GRIP1: variants seen among roughly 807,000 people sequenced by gnomAD.
GRIP1 encodes glutamate receptor interacting protein 1.
GRIP1 carries 45 observed loss-of-function variants against 129.9 expected under a neutral mutation model. The observed-to-expected ratio is 0.35, with a 90% CI of 0.27 to 0.44. The LOEUF (loss-of-function observed/expected upper bound fraction) is 0.44, where lower values mean the gene tolerates loss of function less well. Ranked by LOEUF, GRIP1 falls within the 20% of genes least tolerant of loss-of-function variation. The pLI, the probability that GRIP1 is intolerant of heterozygous loss-of-function variation, is 1.00. For synonymous variants in GRIP1, 530 were observed against 520.8 expected, an observed-to-expected ratio of 1.02 and a Z score of -0.24; for missense variants, 1,196 against 1,396.8, an observed-to-expected ratio of 0.86 and a Z score of 2.29.
intron 1 of GRIP1, among the ~76,000 whole-genome samples, chr12:66,835,351 T>C (rs2039594524): frequency 6.6e-6 from 1 of 152,220 alleles, no homozygotes; most frequent in African/African-American, 2.4e-5. Flanking sequence ...GTTGAAAACT[T>C]ATGTTCACAT....
chr12:66,955,914 G>T (rs552459156), intron 1 of GRIP1, among the ~76,000 whole-genome samples: 245 of 152,288 alleles, frequency 1.6e-3, no homozygotes, highest in African/African-American at 5.2e-3. Flanking sequence ...GCACACAGAA[G>T]AGCTTTCGAG....
intron 2 of GRIP1, among the ~76,000 whole-genome samples, chr12:66,546,493 A>T (rs1208900500): frequency 6.6e-6 from 1 of 152,124 alleles, no homozygotes; most frequent in Non-Finnish European, 1.5e-5. Flanking sequence ...CTGTATCAAA[A>T]ATCATAAGTA....
At chr12:66,860,654 C>G (rs1054279079) in intron 1 of GRIP1, among the ~76,000 whole-genome samples, 1 of 152,008 alleles carries the variant, frequency 6.6e-6, no homozygotes, top group Non-Finnish European at 1.5e-5. Context: ...GCAGATTAGG[C>G]TCTCAACACC....
intron 2 of GRIP1, among the ~76,000 whole-genome samples, chr12:66,544,587 G>C (rs1592522815): frequency 6.6e-6 from 1 of 152,196 alleles, no homozygotes; most frequent in Non-Finnish European, 1.5e-5. Context: ...GAGCAGAGCA[G>C]ACCAAAGAAG....
At chr12:66,927,936 A>G (rs1431021928) in intron 1 of GRIP1, among the ~76,000 whole-genome samples, 1 of 152,196 alleles carries the variant, frequency 6.6e-6, no homozygotes, top group Non-Finnish European at 1.5e-5. Flanking sequence ...CTCTGATTGG[A>G]GAAGATGTTC....
chr12:66,548,367 T>C (rs1208920751), intron 2 of GRIP1, among the ~76,000 whole-genome samples: 3 of 152,200 alleles, frequency 2.0e-5, no homozygotes, highest in Non-Finnish European at 4.4e-5. Flanking sequence ...TTCATTCAGC[T>C]GGTGGAAGGG....
intron 1 of GRIP1, among the ~76,000 whole-genome samples, chr12:66,848,830 C>G (rs1031203000): frequency 6.6e-6 from 1 of 152,088 alleles, no homozygotes; most frequent in Non-Finnish European, 1.5e-5. Context: ...AGTTCCTTCA[C>G]CAACCTCTGT....
intron 1 of GRIP1, among the ~76,000 whole-genome samples, chr12:66,783,814 AG>A (rs2038233800): frequency 6.6e-6 from 1 of 152,180 alleles, no homozygotes; most frequent in Non-Finnish European, 1.5e-5. Flanking sequence ...GAAAAAATTC[AG>A]ATAAGAAATT....
chr12:66,719,839 G>A (rs2036005364), intron 1 of GRIP1, among the ~76,000 whole-genome samples: 1 of 152,206 alleles, frequency 6.6e-6, no homozygotes, highest in Non-Finnish European at 1.5e-5. Flanking sequence ...AAAGGTTAAA[G>A]AGTGGAGGAA....
At chr12:66,805,984 T>C (rs991391023), upstream of GRIP1, among the ~76,000 whole-genome samples, 4 of 151,288 alleles carry the variant, frequency 2.6e-5, no homozygotes, top group African/African-American at 9.7e-5. Flanking sequence ...TTTTCTTTTT[T>C]TTTTTTTTGG....
chr12:67,004,397 A>G (rs1197988675), intron 1 of GRIP1, among the ~76,000 whole-genome samples: 1 of 152,192 alleles, frequency 6.6e-6, no homozygotes, highest in Non-Finnish European at 1.5e-5. Flanking sequence ...TGAGATTCTA[A>G]GTCTGGAAAA....
intron 2 of GRIP1, among the ~76,000 whole-genome samples, chr12:66,581,253 C>T (rs1266319701): frequency 3.3e-5 from 5 of 151,950 alleles, no homozygotes; most frequent in Admixed American, 6.6e-5. Flanking sequence ...ACATTCAAAG[C>T]AGCGTGTAGA....
In GRIP1 at chr12:66,665,015, T is replaced by C. The variant is rs927161951; in HGVS notation, c.55+13835A>G. Among the ~76,000 whole-genome samples, 8 of 152,290 alleles carry C rather than the reference T, an allele frequency of 5.3e-5. No homozygotes were observed. In the East Asian group the frequency reaches 1.5e-3, roughly 29 times the overall value. On this transcript the variant is annotated intron_variant, in intron 1 of 24. Transcript: ENST00000359742. ...CAATTTCTTGGCTTACTAGGTTTTC[T>C]TTTCCTTTTTTCTTTTTAGACAGGG... is the stretch of plus-strand genomic sequence containing the variant.
intron 16 of GRIP1, among the ~76,000 whole-genome samples, chr12:66,399,566 A>C (rs1316174644): frequency 1.3e-5 from 2 of 152,028 alleles, no homozygotes; most frequent in African/African-American, 4.8e-5. Context: ...AGTGAAAGAC[A>C]GGAAAGGGGG....
intron 1 of GRIP1, among the ~76,000 whole-genome samples, chr12:66,644,069 G>C (rs576801267): frequency 6.6e-6 from 1 of 152,214 alleles, no homozygotes; most frequent in South Asian, 2.1e-4. Context: ...GAGAAAATGA[G>C]GAAGATGTAA....
At chr12:66,861,264 AT>A (rs2040107280) in intron 1 of GRIP1, among the ~76,000 whole-genome samples, 1 of 152,178 alleles carries the variant, frequency 6.6e-6, no homozygotes, top group Admixed American at 6.6e-5. Flanking sequence ...CAGAATGAGT[AT>A]TTATAAATAT....
intron 1 of GRIP1, among the ~76,000 whole-genome samples, chr12:66,905,057 T>C (rs12819213): frequency 0.19 from 28,167 of 152,128 alleles, 2,989 homozygotes; most frequent in South Asian, 0.26. Flanking sequence ...TGAGTCTCTA[T>C]GCATGTTGAC....
chr12:66,532,219 C>A (rs754954315), intron 4 of GRIP1, among the ~76,000 whole-genome samples: 1 of 152,140 alleles, frequency 6.6e-6, no homozygotes, highest in African/African-American at 2.4e-5. Flanking sequence ...ATTTGCATGG[C>A]TGGCTCTTCA....
rs188303248 is a variant in GRIP1, at chr12:66,510,257, T to C, written c.724+5362A>G. ...GACTCCACGCTTGGCCTTCGTTCAC[T>C]GTCTCCATCAGTGCATTGGCCTCCT... On this transcript the variant is annotated intron_variant, in intron 7 of 24. Transcript: ENST00000359742. 4.6e-3 allele frequency among the ~76,000 whole-genome samples: 694 copies of C among 152,284 alleles called. 2 individuals carry two copies. The highest frequency in any genetic ancestry group is 7.4e-3 in the Non-Finnish European group (500 of 68,022).
Sources: allele counts gnomAD v4.1 joint callset (sites outside exome capture counted in the v4.1 genomes callset), GRCh38; gene constraint gnomAD v4.1.1; transcripts MANE v1.5; gene names NCBI Gene and HGNC (gene_info 2026-07-23, HGNC 2026-07-21).